Variants in SGCZ observed in about 807,000 individuals in gnomAD.
SGCZ encodes sarcoglycan zeta.
A neutral mutation model predicts 41.3 loss-of-function variants in SGCZ; 40 were observed. That is an observed-to-expected ratio of 0.97 (90% CI 0.75 to 1.26). The LOEUF (loss-of-function observed/expected upper bound fraction) is 1.26. SGCZ is among the 50% of genes most tolerant of loss of function. The probability of loss-of-function intolerance (pLI) is 0.00; values close to 1 mark genes in which losing one functional copy is unlikely to be tolerated. For synonymous variants in SGCZ, 206 were observed against 137.5 expected, an observed-to-expected ratio of 1.50 and a Z score of -3.49; for missense variants, 552 against 369.8, an observed-to-expected ratio of 1.49 and a Z score of -4.04.
At chr8:14,584,633 G>C (rs1805001984) in intron 1 of SGCZ, among the ~76,000 whole-genome samples, 1 of 152,014 alleles carries the variant, frequency 6.6e-6, no homozygotes, top group Non-Finnish European at 1.5e-5. Flanking sequence ...AAATAAAAGA[G>C]TTGTGCGGTC....
At chr8:15,128,095 T>C (rs563810151) in intron 1 of SGCZ, among the ~76,000 whole-genome samples, 2 of 152,308 alleles carry the variant, frequency 1.3e-5, no homozygotes, top group South Asian at 2.1e-4. Flanking sequence ...AAAGATACCA[T>C]GTGCCAACAT....
intron 1 of SGCZ, among the ~76,000 whole-genome samples, chr8:14,782,841 T>C (rs1056995995): frequency 2.0e-5 from 3 of 152,358 alleles, no homozygotes; most frequent in Non-Finnish European, 4.4e-5. Flanking sequence ...CTCAGAGTTA[T>C]GCCATTAATC....
At chr8:14,827,611 G>C (rs1802378691) in intron 1 of SGCZ, among the ~76,000 whole-genome samples, 1 of 152,134 alleles carries the variant, frequency 6.6e-6, no homozygotes, top group African/African-American at 2.4e-5. Flanking sequence ...AAGAGTCTGT[G>C]ATTGTTTTCA....
intron 1 of SGCZ, among the ~76,000 whole-genome samples, chr8:15,103,912 A>G (rs1806713348): frequency 6.6e-6 from 1 of 152,190 alleles, no homozygotes. Context: ...CACACTAATG[A>G]AGTGTTGATT....
At chr8:14,715,740 A>C (rs566397268) in intron 1 of SGCZ, among the ~76,000 whole-genome samples, 41 of 152,174 alleles carry the variant, frequency 2.7e-4, no homozygotes, top group Non-Finnish European at 5.6e-4. Flanking sequence ...GTACCAATAG[A>C]GATCTGTCAG....
intron 3 of SGCZ, among the ~76,000 whole-genome samples, chr8:14,277,498 G>C (rs1002522212): frequency 6.6e-6 from 1 of 152,076 alleles, no homozygotes. Flanking sequence ...TTATGTATCT[G>C]TCTTTTCAAC....
intron 1 of SGCZ, among the ~76,000 whole-genome samples, chr8:15,022,679 T>G (rs909954241): frequency 3.9e-5 from 6 of 152,184 alleles, no homozygotes; most frequent in African/African-American, 1.4e-4. Context: ...ATAACTCATC[T>G]TGATGATACA....
chr8:14,296,748 G>T (rs1224633934), intron 3 of SGCZ, among the ~76,000 whole-genome samples: 3 of 151,800 alleles, frequency 2.0e-5, no homozygotes, highest in African/African-American at 7.3e-5. Context: ...GGTCACTAAG[G>T]CTATTTACTT....
intron 2 of SGCZ, among the ~76,000 whole-genome samples, chr8:14,361,302 C>T (rs1236215268): frequency 6.6e-6 from 1 of 152,154 alleles, no homozygotes; most frequent in Non-Finnish European, 1.5e-5. Context: ...CCATTCTCCC[C>T]ATCACTTTCA....
intron 1 of SGCZ, among the ~76,000 whole-genome samples, chr8:15,218,107 A>AT (rs1233811574): frequency 1.3e-5 from 2 of 152,058 alleles, no homozygotes; most frequent in African/African-American, 4.8e-5. Context: ...TAAAATTGTG[A>AT]TTTTCTATTC....
chr8:15,134,304 C>CTT (rs59649473), intron 1 of SGCZ, among the ~76,000 whole-genome samples: 66,123 of 145,468 alleles, frequency 0.45, 15,654 homozygotes, highest in Admixed American at 0.6. Flanking sequence ...AGCATTAGGT[C>CTT]TTTTTTTTTT....
intron 3 of SGCZ, among the ~76,000 whole-genome samples, chr8:14,315,617 G>C (rs144476679): frequency 6.6e-6 from 1 of 151,910 alleles, no homozygotes; most frequent in African/African-American, 2.4e-5. Context: ...AAAAGTCAGA[G>C]GATATTATTA....
At chr8:14,668,277 G>T (rs998828225) in intron 1 of SGCZ, among the ~76,000 whole-genome samples, 15 of 152,250 alleles carry the variant, frequency 9.9e-5, no homozygotes, top group African/African-American at 3.6e-4. Flanking sequence ...ATTTTTAAAT[G>T]AATTCAGTCC....
chr8:14,228,648 G>T (rs1585254024), intron 4 of SGCZ, among the ~76,000 whole-genome samples: 1 of 151,930 alleles, frequency 6.6e-6, no homozygotes, highest in Admixed American at 6.6e-5. Flanking sequence ...TATATAAGGA[G>T]ATGGGGGCGG....
At chr8:14,691,850 C>A (rs1391510592) in intron 1 of SGCZ, among the ~76,000 whole-genome samples, 4 of 151,760 alleles carry the variant, frequency 2.6e-5, no homozygotes, top group African/African-American at 4.8e-5. Context: ...AAAAATGTCA[C>A]CCTAATACAT....
At chr8:14,942,315 T>C (rs1425029729) in intron 1 of SGCZ, among the ~76,000 whole-genome samples, 1 of 152,174 alleles carries the variant, frequency 6.6e-6, no homozygotes, top group Non-Finnish European at 1.5e-5. Flanking sequence ...CACTAATGTA[T>C]ACATTTACCA....
intron 1 of SGCZ, among the ~76,000 whole-genome samples, chr8:14,864,364 ATT>A (rs1285610944): frequency 2.0e-5 from 3 of 152,104 alleles, no homozygotes; most frequent in African/African-American, 2.4e-5. Context: ...AAATAGACAT[ATT>A]AATTTTCTTT....
At chr8:14,219,095 C>T (rs1249765827) in intron 4 of SGCZ, among the ~76,000 whole-genome samples, 1 of 152,192 alleles carries the variant, frequency 6.6e-6, no homozygotes, top group South Asian at 2.1e-4. Context: ...TGCCCTCTTA[C>T]TCTATGCAGC....
intron 2 of SGCZ, among the ~76,000 whole-genome samples, chr8:14,352,751 T>C (rs1223124266): frequency 6.6e-6 from 1 of 152,098 alleles, no homozygotes; most frequent in Non-Finnish European, 1.5e-5. Flanking sequence ...CTTGGTCATA[T>C]AAAAACATTG....
Sources: allele counts gnomAD v4.1 joint callset (sites outside exome capture counted in the v4.1 genomes callset), GRCh38; gene constraint gnomAD v4.1.1; transcripts MANE v1.5; gene names NCBI Gene and HGNC (gene_info 2026-07-23, HGNC 2026-07-21).